The following SLC22A3 variants were observed in gnomAD, a reference collection of about 807,000 sequenced individuals.
SLC22A3 encodes EMT organic cation transporter 3.
SLC22A3 carries 51 observed loss-of-function variants against 59.1 expected under a neutral mutation model. The ratio of observed to expected loss-of-function variants is 0.86; its 90% confidence interval spans 0.69 to 1.09. The LOEUF (loss-of-function observed/expected upper bound fraction) is 1.09, where lower values mean the gene tolerates loss of function less well. Ranked by LOEUF, SLC22A3 falls within the 50% of genes least tolerant of loss-of-function variation. The probability of loss-of-function intolerance (pLI) is 0.00; values close to 1 mark genes in which losing one functional copy is unlikely to be tolerated. For missense variants in SLC22A3, 711 were observed against 726.3 expected, an observed-to-expected ratio of 0.98 and a Z score of 0.24; for synonymous variants, 325 against 292.0, an observed-to-expected ratio of 1.11 and a Z score of -1.15.
At chr6:160,391,253 A>G (rs1458980524) in intron 1 of SLC22A3, among the ~76,000 whole-genome samples, 2 of 152,194 alleles carry the variant, frequency 1.3e-5, no homozygotes. Context: ...GCAGGTAAAT[A>G]GTTGATAACC....
intron 5 of SLC22A3, among the ~76,000 whole-genome samples, chr6:160,422,330 C>A (rs1787771225): frequency 6.6e-6 from 1 of 152,138 alleles, no homozygotes; most frequent in Non-Finnish European, 1.5e-5. Context: ...TCTTGAGGTC[C>A]CATCCAGGAA....
intron 2 of SLC22A3, among the ~76,000 whole-genome samples, chr6:160,399,261 C>A (rs1367323665): frequency 6.6e-6 from 1 of 152,130 alleles, no homozygotes; most frequent in East Asian, 1.9e-4. Flanking sequence ...TACTTCTAGC[C>A]CTTTCAAGCT....
intron 1 of SLC22A3, among the ~76,000 whole-genome samples, chr6:160,353,427 C>T (rs487060): frequency 0.45 from 68,766 of 151,954 alleles, 15,681 homozygotes; most frequent in Non-Finnish European, 0.49. Flanking sequence ...CTCAAAACAG[C>T]GTGAAGCTTG....
intron 9 of SLC22A3, among the ~76,000 whole-genome samples, chr6:160,445,589 G>A (rs886437923): frequency 1.6e-4 from 24 of 152,224 alleles, no homozygotes; most frequent in African/African-American, 5.8e-4. Flanking sequence ...GATGTTGGGG[G>A]TGACAATTCA....
intron 5 of SLC22A3, among the ~76,000 whole-genome samples, chr6:160,418,477 T>C (rs930059914): frequency 9.9e-5 from 15 of 152,202 alleles, no homozygotes; most frequent in African/African-American, 3.6e-4. Context: ...GGACTTCACC[T>C]TGTGGCCGTG....
intron 5 of SLC22A3, among the ~76,000 whole-genome samples, chr6:160,417,592 A>T (rs1787553625): frequency 6.6e-6 from 1 of 152,132 alleles, no homozygotes; most frequent in South Asian, 2.1e-4. Flanking sequence ...AGAGATTCAC[A>T]TTTTCCCTCA....
At chr6:160,384,941 G>A (rs1327926047) in intron 1 of SLC22A3, among the ~76,000 whole-genome samples, 1 of 152,198 alleles carries the variant, frequency 6.6e-6, no homozygotes, top group Non-Finnish European at 1.5e-5. Context: ...TGTGGCTTAT[G>A]CTCTCAGGTT....
intron 1 of SLC22A3, among the ~76,000 whole-genome samples, chr6:160,357,858 C>G (rs990373022): frequency 5.3e-5 from 8 of 152,182 alleles, no homozygotes; most frequent in Admixed American, 4.6e-4. Flanking sequence ...ACCTTTTCCA[C>G]AGAGGTTCTT....
intron 1 of SLC22A3, 27 bp from the exon 2 acceptor site, chr6:160,397,952 C>T (rs1032532651): frequency 1.3e-6 from 2 of 1,531,048 alleles, no homozygotes; most frequent in Non-Finnish European, 1.8e-6. Flanking sequence ...TGGCATGTCT[C>T]CATGTGTGTT....
At chr6:160,449,938 C>A (rs1007139950) in intron 10 of SLC22A3, among the ~76,000 whole-genome samples, 1 of 151,862 alleles carries the variant, frequency 6.6e-6, no homozygotes, top group East Asian at 1.9e-4. Context: ...CTTCAAAGGG[C>A]AAAAAGGAGA....
intron 7 of SLC22A3, among the ~76,000 whole-genome samples, chr6:160,442,272 T>C (rs1788570864): frequency 6.6e-6 from 1 of 152,186 alleles, no homozygotes; most frequent in Non-Finnish European, 1.5e-5. Flanking sequence ...TGCTCCACTC[T>C]AGAAACCAAG....
At chr6:160,414,014 A>C (rs1787365817) in intron 5 of SLC22A3, among the ~76,000 whole-genome samples, 1 of 152,152 alleles carries the variant, frequency 6.6e-6, no homozygotes, top group Non-Finnish European at 1.5e-5. Flanking sequence ...CCACAGTCTA[A>C]ATTTTGTTGA....
At chr6:160,410,689 A>G (rs1787210175) in intron 4 of SLC22A3, 40 bp from the exon 5 acceptor site, 1 of 1,302,132 alleles carries the variant, frequency 7.7e-7, no homozygotes, top group Admixed American at 1.7e-5. Flanking sequence ...AGCGTTTGAA[A>G]TTCCTAGACA....
chr6:160,394,548 A>G (rs1786395572), intron 1 of SLC22A3, among the ~76,000 whole-genome samples: 1 of 152,236 alleles, frequency 6.6e-6, no homozygotes, highest in Non-Finnish European at 1.5e-5. Context: ...TTCCCTGTAC[A>G]GGAAACACAA....
chr6:160,388,361 C>T (rs956661331), intron 1 of SLC22A3, among the ~76,000 whole-genome samples: 2 of 151,978 alleles, frequency 1.3e-5, no homozygotes, highest in African/African-American at 4.8e-5. Context: ...CATCAGAATC[C>T]CCTGGAGAAG....
chr6:160,349,731 C>T (rs1288422807), intron 1 of SLC22A3, among the ~76,000 whole-genome samples: 1 of 152,174 alleles, frequency 6.6e-6, no homozygotes, highest in Non-Finnish European at 1.5e-5. Context: ...AGCAGAGTCA[C>T]TTTGTAATAA....
Position 160,348,491 on chromosome 6 carries a change from G to A in SLC22A3, c.72G>A (p.Leu24=). The part of the protein sequence containing the change: ...FGRFQRRVFL[L]LCLTGVTFAF... ...GCTTCCAGAGGCGCGTGTTTTTGCT[G>A]CTGTGCCTGACGGGCGTCACCTTCG... Residue 24 remains leucine (L), a synonymous_variant, in exon 1 of 11, where the codon CTG becomes CTA. Coordinates refer to ENST00000275300, the MANE Select transcript of SLC22A3 (RefSeq NM_021977.4). The A allele has an allele frequency of 4.5e-6, 7 of 1,559,686 alleles. No homozygotes were observed. Among genetic ancestry groups the A allele is most frequent in the Non-Finnish European group, 6.0e-6 (7 of 1,159,314 alleles).
chr6:160,368,257 C>A (rs1785276043), intron 1 of SLC22A3, among the ~76,000 whole-genome samples: 1 of 152,160 alleles, frequency 6.6e-6, no homozygotes, highest in Non-Finnish European at 1.5e-5. Flanking sequence ...GGACAATCAA[C>A]TTCTCTATCT....
intron 9 of SLC22A3, among the ~76,000 whole-genome samples, chr6:160,445,341 G>A (rs956249815): frequency 4.6e-5 from 7 of 152,162 alleles, no homozygotes; most frequent in Non-Finnish European, 1.0e-4. Context: ...GTGCAGTTGT[G>A]AGCTGGGCCT....
Sources: allele counts gnomAD v4.1 joint callset (sites outside exome capture counted in the v4.1 genomes callset), GRCh38; gene constraint gnomAD v4.1.1; transcripts MANE v1.5; gene names NCBI Gene and HGNC (gene_info 2026-07-23, HGNC 2026-07-21).